The following DNAH8 variants were observed in gnomAD, a reference collection of about 807,000 sequenced individuals.
DNAH8 encodes the protein axonemal beta dynein heavy chain 8.
A neutral mutation model predicts 562.1 loss-of-function variants in DNAH8; 382 were observed. That is an observed-to-expected ratio of 0.68 (90% CI 0.63 to 0.74). The LOEUF is 0.74. DNAH8 is among the 30% of genes least tolerant of loss of function. The pLI, the probability that DNAH8 is intolerant of heterozygous loss-of-function variation, is 0.00. For missense variants in DNAH8, 5,203 were observed against 5,620.4 expected (o/e 0.93, Z 2.37); for synonymous variants, 1,881 against 1,919.4 (o/e 0.98, Z 0.52).
chr6:38,829,781 T>C (rs985191762), intron 30 of DNAH8, among the ~76,000 whole-genome samples: 7 of 152,234 alleles, frequency 4.6e-5, no homozygotes, highest in African/African-American at 1.7e-4. Flanking sequence ...AAAATGCATG[T>C]AACATAAAAT....
intron 11 of DNAH8, among the ~76,000 whole-genome samples, chr6:38,767,440 G>GAA (rs58165668): frequency 0.15 from 22,039 of 147,148 alleles, 1,732 homozygotes; most frequent in Admixed American, 0.23. Flanking sequence ...TCCATCTCAG[G>GAA]AAAAAAAAAA....
intron 10 of DNAH8, among the ~76,000 whole-genome samples, chr6:38,760,039 T>C (rs1766337653): frequency 6.6e-6 from 1 of 152,224 alleles, no homozygotes; most frequent in Admixed American, 6.5e-5. Context: ...ATTCTTAACA[T>C]TTTTTTCAAC....
intron 21 of DNAH8, among the ~76,000 whole-genome samples, chr6:38,799,805 C>G (rs1770615180): frequency 6.6e-6 from 1 of 152,208 alleles, no homozygotes; most frequent in Non-Finnish European, 1.5e-5. Flanking sequence ...AATTTCCTTT[C>G]TGCTTCTATA....
rs1314007100 is a variant in DNAH8, at chr6:38,842,873, A to G, written c.4815A>G (p.Ala1605=). The G allele has an allele frequency of 6.2e-7, 1 of 1,613,602 alleles. No homozygotes were observed. The highest frequency in any genetic ancestry group is 1.3e-5 in the African/African-American group (1 of 74,910). ...DSFCLRNIME[A]PLLKHKDDIE... ...TTTGCCTTAGAAATATCATGGAAGC[A>G]CCACTCCTTAAACATAAGGATGATA... The change falls in exon 35 of 93, where the codon GCA becomes GCG. Residue 1605 remains alanine, a synonymous_variant. Transcript: ENST00000327475.
chr6:38,866,501 T>TA, intron 45 of DNAH8, 90 bp from the exon 46 acceptor site: 1 of 922,116 alleles, frequency 1.1e-6, no homozygotes, highest in Non-Finnish European at 1.6e-6. Context: ...AATACCATCT[T>TA]AAAATCTGAA....
intron 82 of DNAH8, among the ~76,000 whole-genome samples, chr6:38,968,360 A>T (rs1237182044): frequency 2.0e-5 from 3 of 152,180 alleles, no homozygotes; most frequent in African/African-American, 4.8e-5. Context: ...CCTATAAAAT[A>T]GGAGAAAATA....
rs750497267 is a variant in DNAH8 at position 38,822,974 on chromosome 6, C to T, written c.3660C>T (p.Ala1220=). 1.1e-5 allele frequency: 18 copies of T among 1,612,260 alleles called. No individual in the cohort carries two copies. Among genetic ancestry groups the T allele is most frequent in the Non-Finnish European group, 1.5e-5 (18 of 1,179,450 alleles). ...VNSLRKAAHE[A]LQDFQKYKTL... ...CCCTAAGAAAGGCAGCTCATGAGGC[C>T]CTGCAGGACTTTCAGAAGTACAAGA... The change falls in exon 27 of 93, where the codon GCC becomes GCT. Residue 1220 remains alanine, a synonymous_variant. Transcript: ENST00000327475.
At position 38,737,333 on chromosome 6, in the gene DNAH8, A is replaced by T; in HGVS notation, c.952+77A>T. 7.8e-6 allele frequency: 7 copies of T among 901,282 alleles called. No homozygotes were observed. In the South Asian group the frequency reaches 2.3e-4, roughly 30 times the overall value. 55.8% of individuals were successfully genotyped at this position (901,282 alleles called of 1,614,324 possible). ...TAAGATATTTCATAAACAGAGAAAA[A>T]GTTTCTATCTTAAAAGATGTTAATC... On this transcript the variant is annotated intron_variant, in intron 6 of 92. Coordinates refer to ENST00000327475, the MANE Select transcript of DNAH8 (RefSeq NM_001206927.2).
intron 88 of DNAH8, among the ~76,000 whole-genome samples, chr6:39,006,344 G>T (rs776596006): frequency 2.6e-5 from 4 of 152,094 alleles, no homozygotes; most frequent in Non-Finnish European, 5.9e-5. Flanking sequence ...TTTCAAATAT[G>T]CTATTCATGT....
chr6:38,924,462 C>T (rs1468792149), intron 73 of DNAH8, among the ~76,000 whole-genome samples: 1 of 152,028 alleles, frequency 6.6e-6, no homozygotes, highest in East Asian at 1.9e-4. Context: ...CGAGATCACG[C>T]CACTCCACTC....
chr6:38,964,443 G>A lies in DNAH8; in HGVS notation c.12452-7149G>A, dbSNP rs537265410. ...CCAGTAGGGGCGGCCGGGCAGAGGC[G>A]CCCCTCACTGGGAGTCCTTTTTCAT... On this transcript the variant is annotated intron_variant, in intron 82 of 92. Transcript: ENST00000327475. 1.0e-3 allele frequency among the ~76,000 whole-genome samples: 150 copies of A among 146,744 alleles called. 1 individual carries two copies. Among genetic ancestry groups the A allele is most frequent in the African/African-American group, 3.5e-3 (137 of 39,042 alleles).
intron 10 of DNAH8, among the ~76,000 whole-genome samples, chr6:38,759,648 C>G (rs1230859277): frequency 6.6e-6 from 1 of 152,100 alleles, no homozygotes; most frequent in Admixed American, 6.6e-5. Flanking sequence ...AGCAAAGAAC[C>G]CTGCTAAGTC....
intron 42 of DNAH8, among the ~76,000 whole-genome samples, chr6:38,858,426 A>T (rs1242771712): frequency 6.6e-6 from 1 of 152,176 alleles, no homozygotes; most frequent in African/African-American, 2.4e-5. Context: ...CCTGTTTTGA[A>T]GTTTTACCAA....
chr6:38,936,553 T>C (rs1782988082), intron 77 of DNAH8, among the ~76,000 whole-genome samples: 1 of 152,198 alleles, frequency 6.6e-6, no homozygotes, highest in Non-Finnish European at 1.5e-5. Context: ...TTTAAACAAG[T>C]CTGACCTTCC....
At chr6:38,766,858 GA>G (rs964234490) in intron 11 of DNAH8, among the ~76,000 whole-genome samples, 5 of 151,896 alleles carry the variant, frequency 3.3e-5, no homozygotes, top group East Asian at 1.9e-4. Flanking sequence ...AATAAAACTG[GA>G]AAAAAATAAA....
Position 38,854,467 on chromosome 6 carries a change from G to T in DNAH8, c.5733+1120G>T, listed in dbSNP as rs1336719848. Among the ~76,000 whole-genome samples the T allele has an allele frequency of 3.9e-5, 6 of 152,252 alleles. No homozygotes were observed. In the East Asian group the frequency reaches 1.2e-3, roughly 29 times the overall value. ...CACACAAAATGAAGACAGCTGAAAT[G>T]ATGTATCATTTATTCAAACCACAGA... On this transcript the variant is annotated intron_variant, in intron 41 of 92. Transcript: ENST00000327475.
rs58473344 is a variant in DNAH8, at chr6:39,017,099, T to C, written c.13714+4462T>C. On this transcript the variant is annotated intron_variant, in intron 91 of 92. Transcript: ENST00000327475. ...TGTGACCCTGTGATAGTTTTTTCAA[T>C]GTGCAGCTTTTTTCTGTGTGTGGAT... Among the ~76,000 whole-genome samples the C allele has an allele frequency of 0.011, 1,695 of 152,342 alleles. 110 individuals are homozygous for C. The East Asian group carries it at 0.16, about 14-fold the overall frequency.
chr6:38,919,345 T>C (rs1319641800), intron 70 of DNAH8, among the ~76,000 whole-genome samples: 1 of 152,212 alleles, frequency 6.6e-6, no homozygotes, highest in Non-Finnish European at 1.5e-5. Flanking sequence ...CTGGTAGGCA[T>C]AGGGCCAGCT....
At chr6:38,827,052 C>G (rs1773393074) in intron 29 of DNAH8, among the ~76,000 whole-genome samples, 2 of 152,118 alleles carry the variant, frequency 1.3e-5, no homozygotes, top group African/African-American at 4.8e-5. Context: ...AGAATCCATT[C>G]CCTCCTTTTT....
Sources: gnomAD v4.1 joint callset for allele counts (sites outside exome capture counted in the v4.1 genomes callset) on GRCh38, gnomAD v4.1.1 for gene constraint, MANE v1.5 for transcripts, NCBI Gene and HGNC (gene_info 2026-07-23, HGNC 2026-07-21) for gene names.